NSUN3: variants seen among roughly 807,000 people sequenced by gnomAD.
The protein encoded by NSUN3 is NOP2/Sun RNA methyltransferase 3, also known as tRNA (cytosine(34)-C(5))-methyltransferase, mitochondrial.
Under a neutral mutation model 36.8 loss-of-function variants are expected in NSUN3, and 24 were observed. The ratio of observed to expected loss-of-function variants is 0.65; its 90% confidence interval spans 0.47 to 0.92. The LOEUF is 0.92. Ranked by LOEUF, NSUN3 falls within the 40% of genes least tolerant of loss-of-function variation. NSUN3 has a pLI of 0.00. For missense variants in NSUN3, 381 were observed against 392.8 expected (o/e 0.97, Z 0.25); for synonymous variants, 146 against 145.2 (o/e 1.01, Z -0.04).
In NSUN3 at chr3:94,072,649, A is replaced by G. The variant is rs189629441; in HGVS notation, c.122+8103A>G. ...TCAGTAAATTTTAAAGAAACTTGTTAGAAGAAATCTGTATAGTTCAGTAGG... is the reference window on the plus strand; with the variant it reads ...TCAGTAAATTTTAAAGAAACTTGTTGGAAGAAATCTGTATAGTTCAGTAGG... On this transcript the variant is annotated intron_variant, in intron 2 of 5. Coordinates refer to ENST00000314622, the MANE Select transcript of NSUN3 (RefSeq NM_022072.5). Among the ~76,000 whole-genome samples the G allele has an allele frequency of 2.4e-3, 358 of 152,268 alleles. 2 individuals carry two copies. Among genetic ancestry groups the G allele is most frequent in the Middle Eastern group, 6.8e-3 (2 of 294 alleles).
chr3:94,118,385 C>T (rs1401851681), intron 5 of NSUN3, among the ~76,000 whole-genome samples: 1 of 152,110 alleles, frequency 6.6e-6, no homozygotes, highest in Admixed American at 6.5e-5. Context: ...ACTTTTGCTT[C>T]TACTGTTGTT....
intron 5 of NSUN3, among the ~76,000 whole-genome samples, chr3:94,098,542 G>A (rs966599744): frequency 1.3e-5 from 2 of 152,018 alleles, no homozygotes; most frequent in Non-Finnish European, 2.9e-5. Context: ...TTTGCTAGAC[G>A]AATTCTAAAA....
At chr3:94,087,084 A>T (rs897665935) in intron 3 of NSUN3, among the ~76,000 whole-genome samples, 3 of 152,192 alleles carry the variant, frequency 2.0e-5, no homozygotes, top group Non-Finnish European at 4.4e-5. Context: ...AGTTGAGAAG[A>T]ATCTTCCTGT....
rs373633427 is a variant in NSUN3 at position 94,094,254 on chromosome 3, G to T, written c.581G>T (p.Gly194Val). 1 of 1,612,802 alleles carries T rather than the reference G, an allele frequency of 6.2e-7. No individual in the cohort carries two copies. Among genetic ancestry groups the T allele is most frequent in the Non-Finnish European group, 8.5e-7 (1 of 1,179,664 alleles). ...INVIKVSELD[G>V]RKMGDAQPEM... The stretch of plus-strand genomic sequence containing the variant: ...GTAATTAAAGTGTCTGAATTGGATG[G>T]CAGAAAAATGGGAGATGCCCAGCCT... The change falls in exon 4 of 6, where the codon GGC (glycine) becomes GTC (valine). Residue 194 changes from glycine (G) to valine (V), a missense_variant. Coordinates refer to ENST00000314622, the MANE Select transcript of NSUN3 (RefSeq NM_022072.5).
At position 94,084,302 on chromosome 3, in the gene NSUN3, A is replaced by T; in HGVS notation, c.318A>T (p.Gln106His). The stretch of plus-strand genomic sequence containing the variant: ...GCCGAATCCCTTCAGAAAGACACCA[A>T]ATTGGAAACCTGAAAAAATATTATC... ...TPGRIPSERH[Q>H]IGNLKKYYLL... The change falls in exon 3 of 6, where the codon CAA (glutamine) becomes CAT (histidine). Residue 106 changes from glutamine (Q) to histidine (H), a missense_variant. Physicochemically the swap from Gln to His is conservative, Grantham distance 24. Transcript: ENST00000314622. The T allele has an allele frequency of 6.2e-7, 1 of 1,614,050 alleles. No individual in the cohort carries two copies. Among genetic ancestry groups the T allele is most frequent in the Non-Finnish European group, 8.5e-7 (1 of 1,179,996 alleles).
intron 2 of NSUN3, chr3:94,076,689 G>T: frequency 8.1e-7 from 1 of 1,237,584 alleles, no homozygotes; most frequent in Non-Finnish European, 1.2e-6. Flanking sequence ...TCTCCAGAAA[G>T]ATCTGGTTTA....
rs1431302194 is a variant in NSUN3 at position 94,114,700 on chromosome 3, T to C, written c.744-11511T>C. ...CGTGATGCCGAGGTTTGGGATACGA[T>C]TGATCCCATCATCCGGGTAGTAAGC... On this transcript the variant is annotated intron_variant, in intron 5 of 5. Transcript: ENST00000314622. 2.0e-5 allele frequency among the ~76,000 whole-genome samples: 3 copies of C among 152,208 alleles called. No individual in the cohort carries two copies. In the East Asian group the frequency reaches 5.8e-4, roughly 29 times the overall value.
chr3:94,079,231 T>C (rs1034363433), intron 2 of NSUN3, among the ~76,000 whole-genome samples: 2 of 152,226 alleles, frequency 1.3e-5, no homozygotes, highest in Admixed American at 6.5e-5. Flanking sequence ...AGAATTCTTT[T>C]CTTTAAGAAT....
chr3:94,091,139 A>G (rs1483300141), intron 3 of NSUN3, among the ~76,000 whole-genome samples: 2 of 152,208 alleles, frequency 1.3e-5, no homozygotes, highest in Non-Finnish European at 2.9e-5. Context: ...ATGCTTCGAA[A>G]TCATTACAGT....
intron 5 of NSUN3, among the ~76,000 whole-genome samples, chr3:94,097,979 A>T (rs2107258164): frequency 6.6e-6 from 1 of 152,240 alleles, no homozygotes; most frequent in South Asian, 2.1e-4. Flanking sequence ...TCAATTACCG[A>T]TCCGAGATCT....
chr3:94,096,041 G>A (rs2077337833), intron 5 of NSUN3, among the ~76,000 whole-genome samples: 1 of 151,398 alleles, frequency 6.6e-6, no homozygotes, highest in African/African-American at 2.4e-5. Context: ...TTACAGGCGT[G>A]AGCCACCACG....
intron 5 of NSUN3, among the ~76,000 whole-genome samples, chr3:94,114,178 G>C (rs2077429948): frequency 6.6e-6 from 1 of 152,116 alleles, no homozygotes; most frequent in Admixed American, 6.5e-5. Flanking sequence ...GAATGCATGT[G>C]GTGTCCTGTG....
intron 5 of NSUN3, among the ~76,000 whole-genome samples, chr3:94,125,004 T>C (rs560151439): frequency 6.6e-6 from 1 of 152,330 alleles, no homozygotes; most frequent in Non-Finnish European, 1.5e-5. Flanking sequence ...TTGTACTTTT[T>C]GTGGAGAGAT....
rs544323257 is a variant in NSUN3, at chr3:94,131,235, TA to T, written c.*4751del. Among the ~76,000 whole-genome samples, 472 of 152,172 alleles carry T rather than the reference TA, an allele frequency of 3.1e-3. 4 individuals carry two copies. The highest frequency in any genetic ancestry group is 0.011 in the African/African-American group (454 of 41,516). ...GCTCGGCCTCATATATTATTAGTTG[TA>T]AAAAAGGATGCATGTTTTCCCTCAC... On this transcript the variant is annotated 3_prime_UTR_variant, in exon 6 of 6. Coordinates refer to ENST00000314622, the MANE Select transcript of NSUN3 (RefSeq NM_022072.5).
intron 5 of NSUN3, among the ~76,000 whole-genome samples, chr3:94,096,521 TAG>T (rs2077340702): frequency 6.6e-6 from 1 of 152,024 alleles, no homozygotes; most frequent in East Asian, 1.9e-4. Context: ...TTTTTTGAGA[TAG>T]AGTCTTACTC....
In NSUN3 at chr3:94,124,783, C is replaced by G. The variant is rs191812769; in HGVS notation, c.744-1428C>G. 3.9e-3 allele frequency among the ~76,000 whole-genome samples: 598 copies of G among 152,060 alleles called. 5 individuals are homozygous for G. The highest frequency in any genetic ancestry group is 0.014 in the African/African-American group (574 of 41,474). On this transcript the variant is annotated intron_variant, in intron 5 of 5. Coordinates refer to ENST00000314622, the MANE Select transcript of NSUN3 (RefSeq NM_022072.5). ...ATTTAATTTGTTATATTCTATGTCC[C>G]CCAGCTAGAATGTAAGCTTCATGAG...
At chr3:94,112,096 G>C (rs1253263737) in intron 5 of NSUN3, among the ~76,000 whole-genome samples, 1 of 152,142 alleles carries the variant, frequency 6.6e-6, no homozygotes, top group Non-Finnish European at 1.5e-5. Context: ...TCTTGTTCCA[G>C]GGAGGTCAGT....
chr3:94,063,782 T>G (rs1259602042), intron 1 of NSUN3: 1 of 151,382 alleles, frequency 6.6e-6, no homozygotes, highest in East Asian at 2.0e-4. Flanking sequence ...TACGCCTGGC[T>G]AATTTTTTTT....
At chr3:94,108,660 T>C (rs1347254285) in intron 5 of NSUN3, among the ~76,000 whole-genome samples, 1 of 148,598 alleles carries the variant, frequency 6.7e-6, no homozygotes, top group African/African-American at 2.5e-5. Flanking sequence ...CGCCTGGCCT[T>C]TTTATTTTAT....
Sources: gnomAD v4.1 joint callset for allele counts (sites outside exome capture counted in the v4.1 genomes callset) on GRCh38, gnomAD v4.1.1 for gene constraint, MANE v1.5 for transcripts, NCBI Gene and HGNC (gene_info 2026-07-23, HGNC 2026-07-21) for gene names.